Variants in USP5 observed in about 807,000 individuals in gnomAD.
USP5 encodes ubiquitin carboxyl-terminal hydrolase 5.
Under a neutral mutation model 102.5 loss-of-function variants are expected in USP5, and 24 were observed. That is an observed-to-expected ratio of 0.23 (90% CI 0.17 to 0.33). The LOEUF (loss-of-function observed/expected upper bound fraction) is 0.33, where lower values mean the gene tolerates loss of function less well. Ranked by LOEUF, USP5 falls within the 10% of genes least tolerant of loss-of-function variation. USP5 has a pLI of 1.00. For missense variants in USP5, 753 were observed against 1,122.1 expected, an observed-to-expected ratio of 0.67 and a Z score of 4.70; for synonymous variants, 460 against 434.8, an observed-to-expected ratio of 1.06 and a Z score of -0.72.
Position 6,861,543 on chromosome 12 carries a change from G to A in USP5, c.1599G>A (p.Leu533=). The change falls in exon 13 of 20, where the codon CTG becomes CTA. Residue 533 remains leucine (L), a synonymous_variant. Coordinates refer to ENST00000229268, the MANE Select transcript of USP5 (RefSeq NM_001098536.2). The surrounding 1 kb of genome is among the most constrained non-coding windows in gnomAD (Gnocchi z 4.9). The part of the protein sequence containing the change: ...VRAQVPFSSC[L]EAYGAPEQVD... ...CCCAGGTGCCCTTCAGCTCTTGCCT[G>A]GAGGCCTACGGGGCCCCTGAGCAGG... 1.2e-6 allele frequency: 2 copies of A among 1,601,840 alleles called. No individual in the cohort carries two copies. Among genetic ancestry groups the A allele is most frequent in the Admixed American group, 3.3e-5 (2 of 59,748 alleles).
chr12:6,857,617 C>T lies in USP5; in HGVS notation c.770-12C>T, dbSNP rs782151457. On this transcript the variant is annotated splice_polypyrimidine_tract_variant and intron_variant, in intron 6 of 19. Coordinates refer to ENST00000229268, the MANE Select transcript of USP5 (RefSeq NM_001098536.2). ...CCACTTCCCCTGATTCTCTTCCTGCCTCCTGCTCTAGACGTGTACTCATAT... is the reference window on the plus strand; with the variant it reads ...CCACTTCCCCTGATTCTCTTCCTGCTTCCTGCTCTAGACGTGTACTCATAT... 27 of 1,611,966 alleles carry T rather than the reference C, an allele frequency of 1.7e-5. No individual in the cohort carries two copies. The Admixed American group carries it at 2.7e-4, about 16-fold the overall frequency.
In USP5 at chr12:6,861,732, A is replaced by G; in HGVS notation, c.1673+115A>G. ...TTTGTGGTTGGAACCTCAGGGTTGAATCAGTTGGGCTGGTAATCTGGCCCT... is the reference window on the plus strand; with the variant it reads ...TTTGTGGTTGGAACCTCAGGGTTGAGTCAGTTGGGCTGGTAATCTGGCCCT... On this transcript the variant is annotated intron_variant, in intron 13 of 19. Coordinates refer to ENST00000229268, the MANE Select transcript of USP5 (RefSeq NM_001098536.2). The surrounding 1 kb of genome is among the most constrained non-coding windows in gnomAD (Gnocchi z 4.9). 1 of 1,217,520 alleles carries G rather than the reference A, an allele frequency of 8.2e-7. No homozygotes were observed. The highest frequency in any genetic ancestry group is 1.1e-6 in the Non-Finnish European group (1 of 937,258). The allele number at this position is 1,217,520 out of a possible 1,614,324, so 75.4% of individuals were successfully genotyped here.
In USP5 at chr12:6,863,397, G is replaced by A. The variant is rs769799793; in HGVS notation, c.1954+20G>A. 6.2e-7 allele frequency: 1 copy of A among 1,608,336 alleles called. No individual in the cohort carries two copies. Among genetic ancestry groups the A allele is most frequent in the South Asian group, 1.1e-5 (1 of 90,284 alleles). On this transcript the variant is annotated intron_variant, in intron 15 of 19. Transcript: ENST00000229268. The surrounding 1 kb of genome is among the most constrained non-coding windows in gnomAD (Gnocchi z 4.7). ...CGACATGTTAGTGACTCTTCTTCCT[G>A]CCTGTCTCTCTCCCGTGCTGATGGG...
At position 6,856,868 on chromosome 12, in the gene USP5, G is replaced by A; in HGVS notation, c.746G>A (p.Gly249Asp). The change falls in exon 6 of 20, where the codon GGC becomes GAC. Residue 249 changes from glycine (G) to aspartate (D), a missense_variant. Gly to Asp is a moderately conservative substitution (Grantham distance 94). Coordinates refer to ENST00000229268, the MANE Select transcript of USP5 (RefSeq NM_001098536.2). The surrounding 1 kb of genome is among the most constrained non-coding windows in gnomAD (Gnocchi z 5.6). Reference protein sequence around the residue: ...ETGYPLAVKLGTITPDGADVY... With the variant: ...ETGYPLAVKLDTITPDGADVY... ...GGCTACCCGTTAGCTGTCAAGCTGGGCACCATCACCCCTGATGGAGCTGGT... is the reference window on the plus strand; with the variant it reads ...GGCTACCCGTTAGCTGTCAAGCTGGACACCATCACCCCTGATGGAGCTGGT... 6.2e-7 allele frequency: 1 copy of A among 1,614,024 alleles called. No homozygotes were observed.
chr12:6,863,346 C>T lies in USP5; in HGVS notation c.1923C>T (p.Ser641=), dbSNP rs1555129978. Residue 641 remains serine (S), a synonymous_variant, in exon 15 of 20, where the codon TCC becomes TCT. Transcript: ENST00000229268. This position sits in a 1 kb window ranked among gnomAD's most constrained non-coding sequence, Gnocchi z 4.7. The part of the protein sequence containing the change: ...LGFYGNEDED[S]FCSPHFSSPT... ...TCTATGGCAACGAAGACGAAGACTC[C>T]TTCTGCTCCCCTCACTTCTCCTCTC... 1 of 1,614,144 alleles carries T rather than the reference C, an allele frequency of 6.2e-7. No homozygotes were observed. Among genetic ancestry groups the T allele is most frequent in the Admixed American group, 1.7e-5 (1 of 60,014 alleles).
intron 8 of USP5, 84 bp from the exon 9 acceptor site, chr12:6,859,386 C>T (rs1024294406): frequency 2.0e-5 from 28 of 1,405,110 alleles, no homozygotes; most frequent in Non-Finnish European, 2.4e-5. Context: ...AGCCCGTTCA[C>T]AGAGTTAGTA....
intron 19 of USP5, 108 bp from the exon 20 acceptor site, chr12:6,865,876 G>A (rs1024520593): frequency 1.1e-6 from 1 of 939,350 alleles, no homozygotes; most frequent in Non-Finnish European, 1.7e-6. Flanking sequence ...TTTGGGGTAT[G>A]GGCAGAGAGT....
Position 6,860,063 on chromosome 12 carries a change from A to C in USP5, c.1131-88A>C, listed in dbSNP as rs1555129176. 5.1e-5 allele frequency: 73 copies of C among 1,431,120 alleles called. No individual in the cohort carries two copies. The highest frequency in any genetic ancestry group is 7.1e-5 in the Non-Finnish European group (73 of 1,034,924). 88.7% of individuals were successfully genotyped at this position (1,431,120 alleles called of 1,614,324 possible). A position where few individuals can be genotyped will look rare whatever the true frequency, so the allele number is the denominator to read the frequency against. On this transcript the variant is annotated intron_variant, in intron 9 of 19. Coordinates refer to ENST00000229268, the MANE Select transcript of USP5 (RefSeq NM_001098536.2). The surrounding 1 kb of genome is among the most constrained non-coding windows in gnomAD (Gnocchi z 5.5). Reference sequence around the variant, plus strand: ...TTTTTCACGTTGTTGAGAGTTAGCTAGGGAGAGCCACGAGCAGGGGGTTGA... The same window carrying C: ...TTTTTCACGTTGTTGAGAGTTAGCTCGGGAGAGCCACGAGCAGGGGGTTGA...
At chr12:6,859,443 T>C (rs1482522365) in intron 8 of USP5, 27 bp from the exon 9 acceptor site, 4 of 1,613,002 alleles carry the variant, frequency 2.5e-6, no homozygotes, top group Non-Finnish European at 3.4e-6. Flanking sequence ...CCAGAGCCCC[T>C]CCAACTGTCC....
chr12:6,863,215 G>C lies in USP5; in HGVS notation c.1792G>C (p.Asp598His). Residue 598 changes from aspartate to histidine, a missense_variant, in exon 15 of 20, where the codon GAC becomes CAC. Around this residue, in one of 3 missense-constraint regions of USP5, gnomAD observed 527 missense variants for 816.5 expected, o/e 0.65. Coordinates refer to ENST00000229268, the MANE Select transcript of USP5 (RefSeq NM_001098536.2). The surrounding 1 kb of genome is among the most constrained non-coding windows in gnomAD (Gnocchi z 4.7). The stretch of plus-strand genomic sequence containing the variant: ...GTCCATCGAGATGCCAGAGGAGCTC[G>C]ACATCTCCCAGTTGAGGGGCACAGG... The part of the protein sequence containing the change: ...DVSIEMPEEL[D>H]ISQLRGTGLQ... The C allele has an allele frequency of 6.2e-7, 1 of 1,613,722 alleles. No individual in the cohort carries two copies. Among genetic ancestry groups the C allele is most frequent in the East Asian group, 2.2e-5 (1 of 44,870 alleles).
At position 6,856,217 on chromosome 12, in the gene USP5, C is replaced by T. The variant is rs1486928636; in HGVS notation, c.438+67C>T. On this transcript the variant is annotated intron_variant, in intron 4 of 19. Transcript: ENST00000229268. The surrounding 1 kb of genome is among the most constrained non-coding windows in gnomAD (Gnocchi z 5.6). ...TGGGCCAGGGTAGTGGTGTCTTAGG[C>T]AAGCACTGACAAAGCTGAAGGCCAA... The T allele has an allele frequency of 1.2e-6, 2 of 1,607,154 alleles. No individual in the cohort carries two copies. Among genetic ancestry groups the T allele is most frequent in the Non-Finnish European group, 1.7e-6 (2 of 1,175,442 alleles).
rs191689746 is a variant in USP5, at chr12:6,860,045, C to A, written c.1131-106C>A. ...TTCCTGTAGAATCTAAGGTTTTTCA[C>A]GTTGTTGAGAGTTAGCTAGGGAGAG... is the stretch of plus-strand genomic sequence containing the variant. On this transcript the variant is annotated intron_variant, in intron 9 of 19. Coordinates refer to ENST00000229268, the MANE Select transcript of USP5 (RefSeq NM_001098536.2). The surrounding 1 kb of genome is among the most constrained non-coding windows in gnomAD (Gnocchi z 5.5). 2.4e-6 allele frequency: 3 copies of A among 1,226,594 alleles called. No homozygotes were observed. In the East Asian group the frequency reaches 7.0e-5, roughly 29 times the overall value. 76.0% of individuals were successfully genotyped at this position (1,226,594 alleles called of 1,614,324 possible). A position where few individuals can be genotyped will look rare whatever the true frequency, so the allele number is the denominator to read the frequency against.
chr12:6,862,575 G>A lies in USP5; in HGVS notation c.1762+17G>A. ...AGAAACTGGGTATGGCTGCTGGAAT[G>A]AGGGAGGTTACACAGAAAATGCTAG... is the stretch of plus-strand genomic sequence containing the variant. On this transcript the variant is annotated intron_variant, in intron 14 of 19. Coordinates refer to ENST00000229268, the MANE Select transcript of USP5 (RefSeq NM_001098536.2). 6.2e-7 allele frequency: 1 copy of A among 1,610,214 alleles called. No individual in the cohort carries two copies.
Position 6,856,615 on chromosome 12 carries a change from G to T in USP5, c.585-92G>T. On this transcript the variant is annotated intron_variant, in intron 5 of 19. Transcript: ENST00000229268. The surrounding 1 kb of genome is among the most constrained non-coding windows in gnomAD (Gnocchi z 5.6). ...CCAGAGGAGAAGAGAGAGAGACCTT[G>T]GATTGGCGGGGGGCCTGCAGAGCCC... 6.4e-7 allele frequency: 1 copy of T among 1,554,276 alleles called. No individual in the cohort carries two copies. Among genetic ancestry groups the T allele is most frequent in the Admixed American group, 1.8e-5 (1 of 54,554 alleles).
At chr12:6,854,434 C>G (rs1438428143) in intron 1 of USP5, among the ~76,000 whole-genome samples, 1 of 152,016 alleles carries the variant, frequency 6.6e-6, no homozygotes, top group African/African-American at 2.4e-5. Flanking sequence ...GACCAGGGTT[C>G]GACTACCTGG....
chr12:6,855,793 C>A lies in USP5; in HGVS notation c.276C>A (p.Pro92=). ...EDPATGTGDP[P]RKKPTRLAIG... ...CTGCTACAGGCACTGGAGACCCACC[C>A]CGGAAGAAGCCCACGCGGCTGGCTA... Residue 92 remains proline, a synonymous_variant, in exon 3 of 20, where the codon CCC becomes CCA. Transcript: ENST00000229268. The surrounding 1 kb of genome is among the most constrained non-coding windows in gnomAD (Gnocchi z 4.6). 1.2e-6 allele frequency: 2 copies of A among 1,614,240 alleles called. No homozygotes were observed. Among genetic ancestry groups the A allele is most frequent in the Non-Finnish European group, 1.7e-6 (2 of 1,180,046 alleles).
intron 13 of USP5, 72 bp from the exon 14 acceptor site, chr12:6,862,398 C>G (rs1555129746): frequency 7.4e-7 from 1 of 1,358,402 alleles, no homozygotes; most frequent in Non-Finnish European, 1.1e-6. Flanking sequence ...AGGGGCTGAA[C>G]CCCAGGTGGG....
chr12:6,859,714 G>A (rs1944220818), intron 9 of USP5, among the ~76,000 whole-genome samples, 173 bp downstream of exon 9: 4 of 152,144 alleles, frequency 2.6e-5, no homozygotes, highest in Admixed American at 2.0e-4. Flanking sequence ...GTGCAGTGGC[G>A]CGATCTCGGC....
intron 6 of USP5, chr12:6,857,392 G>T: frequency 6.0e-6 from 3 of 502,604 alleles, no homozygotes; most frequent in Non-Finnish European, 1.1e-5. Context: ...TCCTATACAG[G>T]TAGAATCAGA....
Sources: gnomAD v4.1 joint callset for allele counts (sites outside exome capture counted in the v4.1 genomes callset) on GRCh38, gnomAD v4.1.1 for gene constraint, gnomAD v4.1.1 regional missense constraint, Gnocchi (gnomAD v3.1) non-coding constraint, MANE v1.5 for transcripts, NCBI Gene and HGNC (gene_info 2026-07-23, HGNC 2026-07-21) for gene names.